Variants in PTPN22 observed in about 807,000 individuals in gnomAD.
PTPN22 encodes the protein tyrosine-protein phosphatase non-receptor type 22.
PTPN22 carries 85 observed loss-of-function variants against 103.3 expected under a neutral mutation model. That is an observed-to-expected ratio of 0.82 (90% CI 0.69 to 0.99). PTPN22 has a LOEUF of 0.99. Ranked by LOEUF, PTPN22 falls within the 50% of genes least tolerant of loss-of-function variation. The probability of loss-of-function intolerance (pLI) is 0.00; values close to 1 mark genes in which losing one functional copy is unlikely to be tolerated. For synonymous variants in PTPN22, 323 were observed against 310.2 expected, an observed-to-expected ratio of 1.04 and a Z score of -0.43; for missense variants, 865 against 936.9, an observed-to-expected ratio of 0.92 and a Z score of 1.00.
exon 9 of PTPN22, chr1:113,854,502 A>T: frequency 6.2e-6 from 10 of 1,614,062 alleles, no homozygotes; most frequent in Non-Finnish European, 8.5e-6. Context: ...TGTATAATCA[A>T]TAGCACAAAT....
In PTPN22 at chr1:113,858,588, A is replaced by G. The variant is rs978079878; in HGVS notation, c.274-15T>C. 1.3e-6 allele frequency: 2 copies of G among 1,481,990 alleles called. No individual in the cohort carries two copies. The highest frequency in any genetic ancestry group is 3.9e-5 in the Admixed American group (2 of 50,864). 91.8% of individuals were successfully genotyped at this position (1,481,990 alleles called of 1,614,324 possible). ...CCATAAACTCCCTAAAGGGGAACAG[A>G]AATTACACGGGGTGACTACAAATAA... On this transcript the variant is annotated splice_polypyrimidine_tract_variant and intron_variant, in intron 3 of 20. Transcript: ENST00000359785.
exon 4 of PTPN22, chr1:113,858,524 G>A: frequency 1.9e-6 from 3 of 1,606,792 alleles, no homozygotes; most frequent in Non-Finnish European, 2.6e-6. Context: ...CAGGAGGGTT[G>A]TAGATAAAGG....
intron 20 of PTPN22, among the ~76,000 whole-genome samples, chr1:113,816,194 G>A (rs1296415403): frequency 1.3e-5 from 2 of 152,192 alleles, no homozygotes; most frequent in African/African-American, 4.8e-5. Flanking sequence ...ATGGGGCAGG[G>A]TGCAGTGGCT....
At chr1:113,846,971 A>G (rs1571411327) in intron 11 of PTPN22, among the ~76,000 whole-genome samples, 1 of 141,452 alleles carries the variant, frequency 7.1e-6, no homozygotes, top group Non-Finnish European at 1.5e-5. Context: ...TTCTTTCTGG[A>G]TTTTGATGAC....
At chr1:113,857,277 A>C (rs1479573262) in intron 5 of PTPN22, among the ~76,000 whole-genome samples, 1 of 152,140 alleles carries the variant, frequency 6.6e-6, no homozygotes, top group Non-Finnish European at 1.5e-5. Flanking sequence ...CATTTGAAAA[A>C]TTTTCACATA....
chr1:113,854,788 G>T, intron 8 of PTPN22, 119 bp downstream of exon 8: 1 of 1,291,920 alleles, frequency 7.7e-7, no homozygotes, highest in Non-Finnish European at 1.1e-6. Context: ...TTAATGCTTA[G>T]GTTGAATTTA....
chr1:113,869,020 C>T (rs1272239798), intron 1 of PTPN22, among the ~76,000 whole-genome samples: 2 of 151,928 alleles, frequency 1.3e-5, no homozygotes, highest in African/African-American at 2.4e-5. Context: ...TTGGACAGAC[C>T]AGCCTGGCCA....
At chr1:113,858,876 TG>T in intron 3 of PTPN22, 125 bp downstream of exon 3, 1 of 1,436,656 alleles carries the variant, frequency 7.0e-7, no homozygotes, top group Non-Finnish European at 9.2e-7. Flanking sequence ...TGCGTTCAAG[TG>T]ATCTTTCCGC....
intron 11 of PTPN22, among the ~76,000 whole-genome samples, 187 bp from the exon 12 acceptor site, chr1:113,838,807 A>T (rs1663257267): frequency 6.6e-6 from 1 of 152,236 alleles, no homozygotes; most frequent in African/African-American, 2.4e-5. Flanking sequence ...AGATGGCCAG[A>T]ATAAAGGATT....
chr1:113,849,711 C>A (rs1252383020), intron 10 of PTPN22, among the ~76,000 whole-genome samples: 1 of 151,878 alleles, frequency 6.6e-6, no homozygotes, highest in East Asian at 1.9e-4. Flanking sequence ...CCTCAGTCTC[C>A]CAAGTAAGTC....
intron 10 of PTPN22, among the ~76,000 whole-genome samples, chr1:113,849,499 C>A (rs1238957977): frequency 1.3e-5 from 2 of 152,034 alleles, no homozygotes; most frequent in African/African-American, 4.8e-5. Flanking sequence ...AAATAAAGAA[C>A]AATTTTTTTT....
chr1:113,830,106 T>G, intron 16 of PTPN22, 77 bp from the exon 17 acceptor site: 1 of 1,012,396 alleles, frequency 9.9e-7, no homozygotes. Flanking sequence ...TTTCTCTTTG[T>G]ATAATTTTTT....
At chr1:113,849,114 A>C (rs1157991403) in intron 10 of PTPN22, among the ~76,000 whole-genome samples, 1 of 152,210 alleles carries the variant, frequency 6.6e-6, no homozygotes, top group East Asian at 1.9e-4. Context: ...TAGATAAGCT[A>C]TTTATACCTA....
chr1:113,851,092 G>A (rs990139462), intron 10 of PTPN22, among the ~76,000 whole-genome samples: 1 of 152,094 alleles, frequency 6.6e-6, no homozygotes, highest in Non-Finnish European at 1.5e-5. Context: ...CTAATGGAGT[G>A]AACAAGTATG....
intron 11 of PTPN22, among the ~76,000 whole-genome samples, chr1:113,844,199 C>T (rs1043575703): frequency 2.0e-5 from 3 of 152,170 alleles, no homozygotes; most frequent in Non-Finnish European, 4.4e-5. Context: ...CCTTGGCTCA[C>T]GCCTGTAATC....
intron 2 of PTPN22, 85 bp from the exon 3 acceptor site, chr1:113,859,163 T>A: frequency 6.4e-7 from 1 of 1,570,808 alleles, no homozygotes; most frequent in Non-Finnish European, 8.6e-7. Context: ...GAATAGTGTA[T>A]GCTCATGAGT....
chr1:113,870,754 T>A, intron 1 of PTPN22, among the ~76,000 whole-genome samples: 1 of 152,246 alleles, frequency 6.6e-6, no homozygotes, highest in Non-Finnish European at 1.5e-5. Flanking sequence ...ACATAGTGGT[T>A]CATGCCTGTA....
chr1:113,840,093 C>G (rs575377725), intron 11 of PTPN22, among the ~76,000 whole-genome samples: 2 of 151,928 alleles, frequency 1.3e-5, no homozygotes, highest in Non-Finnish European at 2.9e-5. Flanking sequence ...CACCTGTAAT[C>G]CCACCTATTC....
intron 1 of PTPN22, chr1:113,864,459 T>C (rs1011693685): frequency 6.6e-6 from 2 of 303,092 alleles, no homozygotes; most frequent in Non-Finnish European, 1.3e-5. Flanking sequence ...GACCACCAAA[T>C]TGAGATCTAA....
Sources: gnomAD v4.1 joint callset for allele counts (sites outside exome capture counted in the v4.1 genomes callset) on GRCh38, gnomAD v4.1.1 for gene constraint, MANE v1.5 for transcripts, NCBI Gene and HGNC (gene_info 2026-07-23, HGNC 2026-07-21) for gene names.